Variants in RYR2 observed in about 807,000 individuals in gnomAD.
RYR2 encodes ryanodine receptor 2, also known as cardiac muscle ryanodine receptor-calcium release channel.
In RYR2, 227 loss-of-function variants were observed where a neutral mutation model predicts 601.1. The ratio of observed to expected loss-of-function variants is 0.38; its 90% confidence interval spans 0.34 to 0.42. The LOEUF (loss-of-function observed/expected upper bound fraction) is 0.42, where lower values mean the gene tolerates loss of function less well. Among genes scored for constraint, RYR2 ranks in the 10% least tolerant of loss-of-function variants. The pLI, the probability that RYR2 is intolerant of heterozygous loss-of-function variation, is 1.00. For missense variants in RYR2, 4,646 were observed against 6,156.5 expected, an observed-to-expected ratio of 0.75 and a Z score of 8.21; for synonymous variants, 2,223 against 2,175.1, an observed-to-expected ratio of 1.02 and a Z score of -0.61.
intron 1 of RYR2, among the ~76,000 whole-genome samples, chr1:237,254,888 C>G (rs543470093): frequency 3.0e-4 from 46 of 152,274 alleles, no homozygotes; most frequent in African/African-American, 1.1e-3. Context: ...ATGGATAAAC[C>G]AGGTGACAAG....
intron 1 of RYR2, among the ~76,000 whole-genome samples, chr1:237,111,409 G>A (rs562628294): frequency 3.3e-5 from 5 of 152,078 alleles, no homozygotes; most frequent in South Asian, 2.1e-4. Flanking sequence ...CCAACATGGC[G>A]AAACCCTGTC....
chr1:237,801,534 T>G, intron 97 of RYR2, among the ~76,000 whole-genome samples: 1 of 133,094 alleles, frequency 7.5e-6, no homozygotes, highest in Non-Finnish European at 1.6e-5. Flanking sequence ...TGAGTGCAAC[T>G]CTGTCTCAAA....
At chr1:237,595,124 T>TAA (rs146780672) in intron 33 of RYR2, among the ~76,000 whole-genome samples, 27 of 151,362 alleles carry the variant, frequency 1.8e-4, no homozygotes, top group Non-Finnish European at 2.9e-4. Flanking sequence ...AAAAAAAAGC[T>TAA]AAAAAAAATC....
intron 51 of RYR2, 97 bp downstream of exon 51, chr1:237,651,598 C>T (rs2184014): frequency 1.8e-5 from 14 of 773,274 alleles, no homozygotes; most frequent in Middle Eastern, 3.7e-4. Context: ...TCATGCTTGA[C>T]GCTGGGAAAT....
chr1:237,594,042 T>G lies in RYR2; in HGVS notation c.4436+406T>G, dbSNP rs1472673213. Among the ~76,000 whole-genome samples, 8 of 152,178 alleles carry G rather than the reference T, an allele frequency of 5.3e-5. No homozygotes were observed. The East Asian group carries it at 1.5e-3, about 29-fold the overall frequency. ...CTGTGAAGACAATGTGGGCTGGTAG[T>G]TTAGACCAGGTGGACGCATTTGAAC... On this transcript the variant is annotated intron_variant, in intron 33 of 104. Coordinates refer to ENST00000366574, the MANE Select transcript of RYR2 (RefSeq NM_001035.3).
chr1:237,609,291 C>CCT lies in RYR2; in HGVS notation c.4684-1458_4684-1457dup, dbSNP rs550844104. Among the ~76,000 whole-genome samples the CCT allele has an allele frequency of 7.8e-4, 113 of 144,758 alleles. 1 individual carries two copies. The highest frequency in any genetic ancestry group is 2.6e-3 in the African/African-American group (105 of 39,742). 95.0% of individuals were successfully genotyped at this position (144,758 alleles called of 152,430 possible). On this transcript the variant is annotated intron_variant, in intron 35 of 104. Coordinates refer to ENST00000366574, the MANE Select transcript of RYR2 (RefSeq NM_001035.3). The stretch of plus-strand genomic sequence containing the variant: ...GTGATGTGATCTCAGCTCACTACAA[C>CCT]CTCTCTCTCTCTCTTTTTTTCTTTC...
Position 237,772,035 on chromosome 1 carries a change from C to A in RYR2, c.11581C>A (p.Gln3861Lys), listed in dbSNP as rs866560875. 1 of 1,544,946 alleles carries A rather than the reference C, an allele frequency of 6.5e-7. No homozygotes were observed. Among genetic ancestry groups the A allele is most frequent in the Non-Finnish European group, 8.8e-7 (1 of 1,136,348 alleles). The stretch of plus-strand genomic sequence containing the variant: ...AGATTTTCAGAATTATCTGAGAACT[C>A]AGACTGGCAATAATACAACTGTCAA... ...NSDFQNYLRT[Q>K]TGNNTTVNII... Residue 3861 changes from glutamine (Q) to lysine (K), a missense_variant, in exon 86 of 105, where the codon CAG becomes AAG. Coordinates refer to ENST00000366574, the MANE Select transcript of RYR2 (RefSeq NM_001035.3).
chr1:237,494,948 A>G (rs771459108), intron 19 of RYR2, among the ~76,000 whole-genome samples: 64 of 151,846 alleles, frequency 4.2e-4, no homozygotes, highest in South Asian at 1.7e-3. Context: ...ACACCACCAC[A>G]CCCAGCTAAT....
chr1:237,454,065 G>A (rs16835265), intron 14 of RYR2, among the ~76,000 whole-genome samples: 4,182 of 152,252 alleles, frequency 0.027, 209 homozygotes, highest in African/African-American at 0.096. Context: ...GAAGCCTGAA[G>A]CCTTAAAGTG....
rs748941127 is a variant in RYR2 at position 237,550,698 on chromosome 1, T to G, written c.3214+7T>G. The G allele has an allele frequency of 2.8e-5, 43 of 1,540,312 alleles. No individual in the cohort carries two copies. The highest frequency in any genetic ancestry group is 2.7e-5 in the Non-Finnish European group (31 of 1,143,178). Reference sequence around the variant, plus strand: ...GCACCAGATCAAGATCATGGTATTTTGGTTTTACTTTCCTCTTCTTCGGTT... The same window carrying G: ...GCACCAGATCAAGATCATGGTATTTGGGTTTTACTTTCCTCTTCTTCGGTT... On this transcript the variant is annotated splice_region_variant and intron_variant, in intron 27 of 104. Coordinates refer to ENST00000366574, the MANE Select transcript of RYR2 (RefSeq NM_001035.3).
intron 3 of RYR2, among the ~76,000 whole-genome samples, chr1:237,345,487 A>T (rs1026192562): frequency 3.3e-5 from 5 of 151,256 alleles, no homozygotes; most frequent in African/African-American, 9.7e-5. Flanking sequence ...AAAATAAAAA[A>T]AAATATATAT....
At chr1:237,486,361 T>C (rs990197899) in intron 17 of RYR2, among the ~76,000 whole-genome samples, 2 of 152,204 alleles carry the variant, frequency 1.3e-5, no homozygotes, top group Admixed American at 6.5e-5. Flanking sequence ...GCCAGTACCC[T>C]GAGACCAACC....
rs1694309864 is a variant in RYR2, at chr1:237,771,995, T to G, written c.11558-17T>G. 7.0e-7 allele frequency: 1 copy of G among 1,430,062 alleles called. No homozygotes were observed. The allele number at this position is 1,430,062 out of a possible 1,614,324, so 88.6% of individuals were successfully genotyped here. ...ACTTCTGAGCAAGCATTAATAACAT[T>G]TTTTTATCTTGCATAGATTTTCAGA... On this transcript the variant is annotated splice_polypyrimidine_tract_variant and intron_variant, in intron 85 of 104. Coordinates refer to ENST00000366574, the MANE Select transcript of RYR2 (RefSeq NM_001035.3).
chr1:237,702,050 A>T lies in RYR2; in HGVS notation c.9440A>T (p.Tyr3147Phe), dbSNP rs1688012129. The T allele has an allele frequency of 6.3e-7, 1 of 1,585,588 alleles. No homozygotes were observed. The change falls in exon 66 of 105, where the codon TAC (tyrosine) becomes TTC (phenylalanine). Residue 3147 changes from tyrosine (Y) to phenylalanine (F), a missense_variant. Physicochemically the swap from Tyr to Phe is conservative, Grantham distance 22. Coordinates refer to ENST00000366574, the MANE Select transcript of RYR2 (RefSeq NM_001035.3). The part of the protein sequence containing the change: ...LYALGTSKSI[Y>F]VERQRSALGE... ...GCTTTGGGAACCAGCAAGAGTATTTACGTGGAGAGGTAAGAATGTTTAAAG... is the reference window on the plus strand; with the variant it reads ...GCTTTGGGAACCAGCAAGAGTATTTTCGTGGAGAGGTAAGAATGTTTAAAG...
chr1:237,332,798 C>A (rs1696876656), intron 3 of RYR2, among the ~76,000 whole-genome samples: 2 of 152,158 alleles, frequency 1.3e-5, no homozygotes, highest in South Asian at 2.1e-4. Context: ...TTGGGCTGGG[C>A]AAATTCTAAA....
intron 4 of RYR2, among the ~76,000 whole-genome samples, chr1:237,363,789 G>C (rs1699981748): frequency 6.6e-6 from 1 of 152,096 alleles, no homozygotes; most frequent in Non-Finnish European, 1.5e-5. Context: ...CATTTTAAGA[G>C]AAAAAGAAAT....
At chr1:237,380,184 A>G (rs1355601075) in intron 8 of RYR2, among the ~76,000 whole-genome samples, 1 of 150,958 alleles carries the variant, frequency 6.6e-6, no homozygotes, top group Non-Finnish European at 1.5e-5. Flanking sequence ...GGATTCAAAG[A>G]CTTATTTGGA....
In RYR2 at chr1:237,342,155, C is replaced by CT. The variant is rs11351962; in HGVS notation, c.273+11185dup. On this transcript the variant is annotated intron_variant, in intron 3 of 104. Transcript: ENST00000366574. ...CCTTTTTGTTGAGTTAAATAACTTC[C>CT]TTTTTTTTTTTTGAGTTAATTCTTG... 1.7e-3 allele frequency among the ~76,000 whole-genome samples: 256 copies of CT among 147,808 alleles called. 2 individuals carry two copies. Among genetic ancestry groups the CT allele is most frequent in the South Asian group, 8.3e-3 (38 of 4,590 alleles).
At chr1:237,211,128 C>T (rs969034724) in intron 1 of RYR2, among the ~76,000 whole-genome samples, 8 of 152,094 alleles carry the variant, frequency 5.3e-5, no homozygotes, top group Admixed American at 4.6e-4. Context: ...GACACGGACG[C>T]GGATGCATTT....
Sources: gnomAD v4.1 joint callset for allele counts (sites outside exome capture counted in the v4.1 genomes callset) on GRCh38, gnomAD v4.1.1 for gene constraint, MANE v1.5 for transcripts, NCBI Gene and HGNC (gene_info 2026-07-23, HGNC 2026-07-21) for gene names.